The following ADGRL2 variants were observed in gnomAD, a reference collection of about 807,000 sequenced individuals.
ADGRL2 encodes calcium-independent alpha-latrotoxin receptor 2.
ADGRL2 carries 44 observed loss-of-function variants against 157.4 expected under a neutral mutation model. That is an observed-to-expected ratio of 0.28 (90% CI 0.22 to 0.36). The LOEUF is 0.36. ADGRL2 is among the 10% of genes least tolerant of loss of function. The pLI is 1.00. For missense variants in ADGRL2, 1,510 were observed against 1,768.9 expected, an observed-to-expected ratio of 0.85 and a Z score of 2.63; for synonymous variants, 585 against 624.7, an observed-to-expected ratio of 0.94 and a Z score of 0.95.
At chr1:81,337,227 A>T (rs1298282307) in intron 1 of ADGRL2, among the ~76,000 whole-genome samples, 1 of 152,154 alleles carries the variant, frequency 6.6e-6, no homozygotes, top group East Asian at 1.9e-4. Flanking sequence ...GCCGAACAAG[A>T]GCTTGGGATA....
chr1:81,451,874 C>A (rs2077708969), intron 2 of ADGRL2, among the ~76,000 whole-genome samples: 1 of 152,086 alleles, frequency 6.6e-6, no homozygotes, highest in African/African-American at 2.4e-5. Context: ...ATTATAAAGA[C>A]ACGGCATTAT....
chr1:81,881,774 C>T (rs536757243), intron 2 of ADGRL2, among the ~76,000 whole-genome samples: 6 of 152,190 alleles, frequency 3.9e-5, no homozygotes, highest in Admixed American at 3.9e-4. Context: ...GATGTTTCAT[C>T]TGTTTCTTTG....
chr1:81,580,084 T>C (rs927968583), intron 2 of ADGRL2, among the ~76,000 whole-genome samples: 11 of 152,150 alleles, frequency 7.2e-5, no homozygotes, highest in African/African-American at 2.7e-4. Flanking sequence ...GAATGCCTCA[T>C]AAGGGGCTCG....
chr1:81,738,178 G>A (rs145554640), intron 1 of ADGRL2, among the ~76,000 whole-genome samples: 258 of 152,234 alleles, frequency 1.7e-3, no homozygotes, highest in African/African-American at 5.4e-3. Flanking sequence ...ATCCGGATCC[G>A]GATGTAGGTC....
chr1:81,757,019 C>T (rs569426787), intron 1 of ADGRL2, among the ~76,000 whole-genome samples: 39 of 152,166 alleles, frequency 2.6e-4, no homozygotes, highest in Non-Finnish European at 4.6e-4. Context: ...CAAAAAGTTC[C>T]TCCAGGGTGC....
chr1:81,836,206 G>A (rs2092272215), intron 1 of ADGRL2, among the ~76,000 whole-genome samples: 1 of 152,050 alleles, frequency 6.6e-6, no homozygotes, highest in Non-Finnish European at 1.5e-5. Context: ...TTTAGTTGCA[G>A]CAGGTTAAGG....
chr1:81,333,155 G>C (rs1661383718), intron 1 of ADGRL2, among the ~76,000 whole-genome samples: 1 of 152,114 alleles, frequency 6.6e-6, no homozygotes, highest in Non-Finnish European at 1.5e-5. Flanking sequence ...GCTTTCCTTA[G>C]CATCTACCAG....
intron 2 of ADGRL2, among the ~76,000 whole-genome samples, chr1:81,863,927 A>C (rs2093460862): frequency 6.6e-6 from 1 of 152,176 alleles, no homozygotes; most frequent in South Asian, 2.1e-4. Context: ...TTTCTTTTTC[A>C]GCAATTTTAA....
intron 1 of ADGRL2, among the ~76,000 whole-genome samples, chr1:81,349,513 G>C (rs1662719248): frequency 6.6e-6 from 1 of 152,134 alleles, no homozygotes; most frequent in South Asian, 2.1e-4. Context: ...GATGGTATTG[G>C]TGCTCTGAAT....
In ADGRL2 at chr1:81,705,776, C is replaced by T. The variant is rs556468956; in HGVS notation, c.-143+5968C>T. Reference sequence around the variant, plus strand: ...TAAAAAATTTAAAAGGTTAGATAAACATGGTGGTAGTCTCAGATATTCAGG... The same window carrying T: ...TAAAAAATTTAAAAGGTTAGATAAATATGGTGGTAGTCTCAGATATTCAGG... On this transcript the variant is annotated intron_variant, in intron 1 of 20. Transcript: ENST00000359929. Among the ~76,000 whole-genome samples the T allele has an allele frequency of 3.3e-5, 5 of 151,988 alleles. No individual in the cohort carries two copies. The East Asian group carries it at 5.9e-4, about 18-fold the overall frequency.
In ADGRL2 at chr1:81,746,427, C is replaced by T. The variant is rs137921071; in HGVS notation, c.-142-15384C>T. ...ACCTCAGCCTCCTGAGTAGCTGGGA[C>T]TACAGATGCCCACAACCACACCTGA... On this transcript the variant is annotated intron_variant, in intron 1 of 20. Coordinates refer to the ADGRL2 transcript ENST00000359929. Among the ~76,000 whole-genome samples, 735 of 152,206 alleles carry T rather than the reference C, an allele frequency of 4.8e-3. 3 individuals are homozygous for T. Among genetic ancestry groups the T allele is most frequent in the African/African-American group, 0.017 (714 of 41,534 alleles).
intron 2 of ADGRL2, among the ~76,000 whole-genome samples, chr1:81,768,379 A>G (rs747536543): frequency 4.6e-5 from 7 of 151,898 alleles, no homozygotes; most frequent in Non-Finnish European, 5.9e-5. Context: ...TGAAATAAAT[A>G]CTCCTCAAAG....
chr1:81,723,188 C>T, intron 1 of ADGRL2: 1 of 495,180 alleles, frequency 2.0e-6, no homozygotes. Flanking sequence ...AGCTGGGGTG[C>T]TTTGAAGATA....
At chr1:81,343,789 A>G (rs1231830625) in intron 1 of ADGRL2, among the ~76,000 whole-genome samples, 1 of 152,176 alleles carries the variant, frequency 6.6e-6, no homozygotes, top group Non-Finnish European at 1.5e-5. Flanking sequence ...TTCTAAGGAA[A>G]CTAAATCCAA....
At chr1:81,702,929 A>G (rs1316385021) in intron 1 of ADGRL2, among the ~76,000 whole-genome samples, 1 of 152,216 alleles carries the variant, frequency 6.6e-6, no homozygotes, top group Non-Finnish European at 1.5e-5. Flanking sequence ...TAGAGAATTT[A>G]TTCTGCAACT....
At chr1:81,555,966 T>A (rs563605506) in intron 2 of ADGRL2, among the ~76,000 whole-genome samples, 42 of 151,878 alleles carry the variant, frequency 2.8e-4, no homozygotes, top group Admixed American at 2.6e-3. Context: ...AATGGCAAAA[T>A]TTAGCGTATC....
chr1:81,832,952 G>A lies in ADGRL2; in HGVS notation c.-100-3933G>A, dbSNP rs560402308. ...TCTGAAAAGTGAATAACCTGATTGA[G>A]GTTCAGCTAAAGTGAAATAAAACTA... is the stretch of plus-strand genomic sequence containing the variant. On this transcript the variant is annotated intron_variant, in intron 1 of 23. Transcript: ENST00000686636. Among the ~76,000 whole-genome samples, 29 of 152,238 alleles carry A rather than the reference G, an allele frequency of 1.9e-4. No homozygotes were observed. In the East Asian group the frequency reaches 4.6e-3, roughly 24 times the overall value.
Position 81,333,573 on chromosome 1 carries a change from G to T in ADGRL2, c.-302+27064G>T, listed in dbSNP as rs535923144. Among the ~76,000 whole-genome samples the T allele has an allele frequency of 2.0e-5, 3 of 151,766 alleles. 1 individual carries two copies. The East Asian group carries it at 5.8e-4, about 29-fold the overall frequency. ...TGGGATTACAGGCACCTGCCACTGC[G>T]CCTGGATAATTTTTTGTATTTTTAG... On this transcript the variant is annotated intron_variant, in intron 1 of 24. Transcript: ENST00000370721.
At chr1:81,646,443 T>C (rs2082316925) in intron 3 of ADGRL2, among the ~76,000 whole-genome samples, 1 of 152,176 alleles carries the variant, frequency 6.6e-6, no homozygotes, top group African/African-American at 2.4e-5. Context: ...TAGAAAACAT[T>C]TGTTTATGCT....
Sources: allele counts gnomAD v4.1 joint callset (sites outside exome capture counted in the v4.1 genomes callset), GRCh38; gene constraint gnomAD v4.1.1; transcripts MANE v1.5; gene names NCBI Gene and HGNC (gene_info 2026-07-23, HGNC 2026-07-21).